The following ALK variants were observed in gnomAD, a reference collection of about 807,000 sequenced individuals.
ALK encodes ALK tyrosine kinase receptor.
ALK carries 74 observed loss-of-function variants against 163.1 expected under a neutral mutation model. The ratio of observed to expected loss-of-function variants is 0.45; its 90% confidence interval spans 0.38 to 0.55. The LOEUF (loss-of-function observed/expected upper bound fraction) is 0.55, where lower values mean the gene tolerates loss of function less well. Ranked by LOEUF, ALK falls within the 20% of genes least tolerant of loss-of-function variation. The pLI, the probability that ALK is intolerant of heterozygous loss-of-function variation, is 0.00. For synonymous variants in ALK, 960 were observed against 843.2 expected, an observed-to-expected ratio of 1.14 and a Z score of -2.40; for missense variants, 2,063 against 2,105.3, an observed-to-expected ratio of 0.98 and a Z score of 0.39.
chr2:29,753,350 G>A (rs938037582), intron 1 of ALK, among the ~76,000 whole-genome samples: 1 of 152,142 alleles, frequency 6.6e-6, no homozygotes, highest in Non-Finnish European at 1.5e-5. Flanking sequence ...ATGAGGTATC[G>A]ACAAAGACCC....
chr2:29,417,112 C>A (rs1399314253), intron 4 of ALK, among the ~76,000 whole-genome samples: 1 of 151,284 alleles, frequency 6.6e-6, no homozygotes, highest in South Asian at 2.1e-4. Flanking sequence ...CTCAGCCTCC[C>A]GGGTAGCTGG....
intron 1 of ALK, among the ~76,000 whole-genome samples, chr2:29,863,274 C>G (rs1261966660): frequency 6.6e-6 from 1 of 152,018 alleles, no homozygotes; most frequent in Non-Finnish European, 1.5e-5. Flanking sequence ...GAGATGGCAT[C>G]AAATAAAAAG....
intron 25 of ALK, among the ~76,000 whole-genome samples, chr2:29,208,606 C>A (rs556435359): frequency 1.9e-4 from 29 of 152,164 alleles, no homozygotes; most frequent in Non-Finnish European, 4.1e-4. Context: ...CATGCTGCTG[C>A]CCCGTGGTAA....
rs1671559982 is a variant in ALK, at chr2:29,477,648, C to A, written c.1154+54267G>T. On this transcript the variant is annotated intron_variant, in intron 4 of 28. Transcript: ENST00000389048. ...CTTCTTGTCCTGGGACACAGTGGTT[C>A]CCAAGCTGATAGATCCTAACCGGCT... Among the ~76,000 whole-genome samples the A allele has an allele frequency of 4.6e-5, 7 of 152,206 alleles. No individual in the cohort carries two copies. The South Asian group carries it at 1.5e-3, about 32-fold the overall frequency.
chr2:29,222,306 A>G, intron 22 of ALK, 38 bp downstream of exon 22: 1 of 1,595,530 alleles, frequency 6.3e-7, no homozygotes, highest in Non-Finnish European at 8.6e-7. Context: ...TTGGGGGCAG[A>G]GGGGAGTTGG....
chr2:29,783,227 T>C (rs1165633854), intron 1 of ALK, among the ~76,000 whole-genome samples: 1 of 152,238 alleles, frequency 6.6e-6, no homozygotes, highest in African/African-American at 2.4e-5. Flanking sequence ...GTCACAACTA[T>C]GCTAAATTGT....
intron 5 of ALK, among the ~76,000 whole-genome samples, chr2:29,382,122 G>T (rs1409134353): frequency 6.6e-6 from 1 of 152,144 alleles, no homozygotes; most frequent in Non-Finnish European, 1.5e-5. Context: ...AACTTCCCCA[G>T]GTATCTGGGC....
chr2:29,577,550 G>A (rs1457152621), intron 3 of ALK, among the ~76,000 whole-genome samples: 1 of 152,168 alleles, frequency 6.6e-6, no homozygotes, highest in African/African-American at 2.4e-5. Flanking sequence ...TGGCCATGAC[G>A]ATAAAGGATT....
intron 6 of ALK, among the ~76,000 whole-genome samples, chr2:29,325,315 A>C (rs1045404452): frequency 1.3e-5 from 2 of 152,258 alleles, no homozygotes; most frequent in East Asian, 1.9e-4. Flanking sequence ...TTTTCCTATG[A>C]TGTTGGTGTT....
intron 4 of ALK, among the ~76,000 whole-genome samples, chr2:29,499,225 G>T (rs1672107230): frequency 1.3e-5 from 2 of 151,964 alleles, no homozygotes; most frequent in Non-Finnish European, 2.9e-5. Flanking sequence ...TTGAGACAGG[G>T]TCTTGCTGTT....
chr2:29,585,328 TTATTAC>T (rs1434106393), intron 3 of ALK, among the ~76,000 whole-genome samples: 3 of 146,652 alleles, frequency 2.0e-5, no homozygotes, highest in East Asian at 2.0e-4. Flanking sequence ...CTGTCAGCTA[TTATTAC>T]TATTTTTTTG....
At chr2:29,547,942 C>T (rs1673600224) in intron 3 of ALK, among the ~76,000 whole-genome samples, 1 of 152,198 alleles carries the variant, frequency 6.6e-6, no homozygotes, top group African/African-American at 2.4e-5. Context: ...TCTTAAATAT[C>T]GCATGAGACA....
In ALK at chr2:29,423,679, ATACCCCTTTTCTCC is replaced by A; in HGVS notation, c.1155-39834_1155-39821del. Among the ~76,000 whole-genome samples the A allele has an allele frequency of 2.0e-5, 3 of 152,340 alleles. No homozygotes were observed. In the South Asian group the frequency reaches 6.2e-4, roughly 32 times the overall value. On this transcript the variant is annotated intron_variant, in intron 4 of 28. Coordinates refer to ENST00000389048, the MANE Select transcript of ALK (RefSeq NM_004304.5). ...GAAAAAGGCACAGGCAAGAATAATG[ATACCCCTTTTCTCC>A]TACTTAAGACAGAAAAATTAAGAAG...
At chr2:29,320,964 C>T (rs548901555) in intron 6 of ALK, 82 bp from the exon 7 acceptor site, 1 of 1,554,160 alleles carries the variant, frequency 6.4e-7, no homozygotes, top group African/African-American at 1.4e-5. Context: ...ATTAGCCAGG[C>T]ATGACCAAAT....
At chr2:29,479,246 T>A (rs772884955) in intron 4 of ALK, among the ~76,000 whole-genome samples, 13 of 152,150 alleles carry the variant, frequency 8.5e-5, no homozygotes, top group Non-Finnish European at 1.9e-4. Context: ...AAAGACCCTA[T>A]CCTGAGCTTT....
At chr2:29,792,966 G>A (rs1017707133) in intron 1 of ALK, among the ~76,000 whole-genome samples, 1 of 152,120 alleles carries the variant, frequency 6.6e-6, no homozygotes, top group Admixed American at 6.5e-5. Flanking sequence ...GAAGTTTGTT[G>A]CATCCATTGA....
intron 12 of ALK, 141 bp downstream of exon 12, chr2:29,250,964 T>C: frequency 1.3e-6 from 1 of 767,992 alleles, no homozygotes; most frequent in Admixed American, 2.8e-5. Flanking sequence ...TCTCCAACCT[T>C]TATACCCCCT....
intron 5 of ALK, among the ~76,000 whole-genome samples, chr2:29,365,518 G>A (rs1428625242): frequency 6.6e-6 from 1 of 152,172 alleles, no homozygotes; most frequent in East Asian, 1.9e-4. Context: ...TACAGATGAT[G>A]GGGACCTTGT....
At chr2:29,446,905 T>A (rs1670698909) in intron 4 of ALK, among the ~76,000 whole-genome samples, 1 of 152,204 alleles carries the variant, frequency 6.6e-6, no homozygotes, top group Non-Finnish European at 1.5e-5. Context: ...GTTTAGTGTG[T>A]GGTTTATGAG....
Sources: allele counts gnomAD v4.1 joint callset (sites outside exome capture counted in the v4.1 genomes callset), GRCh38; gene constraint gnomAD v4.1.1; transcripts MANE v1.5; gene names NCBI Gene and HGNC (gene_info 2026-07-23, HGNC 2026-07-21).